The following DNAH3 variants were observed in gnomAD, a reference collection of about 807,000 sequenced individuals.
DNAH3 encodes the protein axonemal beta dynein heavy chain 3.
A neutral mutation model predicts 432.5 loss-of-function variants in DNAH3; 332 were observed. The ratio of observed to expected loss-of-function variants is 0.77; its 90% CI spans 0.70 to 0.84. The LOEUF is 0.84. DNAH3 is among the 40% of genes least tolerant of loss of function. The probability of loss-of-function intolerance (pLI) is 0.00; values close to 1 mark genes in which losing one functional copy is unlikely to be tolerated. For synonymous variants in DNAH3, 1,956 were observed against 1,900.2 expected, an observed-to-expected ratio of 1.03 and a Z score of -0.76; for missense variants, 4,861 against 5,114.0, an observed-to-expected ratio of 0.95 and a Z score of 1.51.
In DNAH3 at chr16:21,150,482, G is replaced by A. The variant is rs1273739361; in HGVS notation, c.118-4394C>T. ...ACTTTCCAGATGTTCTGAAAGCTCTGTTCATGAGGTTGCCTCTCTGAGGTC... is the reference window on the plus strand; with the variant it reads ...ACTTTCCAGATGTTCTGAAAGCTCTATTCATGAGGTTGCCTCTCTGAGGTC... On this transcript the variant is annotated intron_variant, in intron 1 of 61. An upstream open reading frame in the 5' UTR gains an earlier in-frame stop. Transcript: ENST00000261383. The A allele has an allele frequency of 3.0e-6, 1 of 338,356 alleles. No homozygotes were observed. The highest frequency in any genetic ancestry group is 5.8e-6 in the Non-Finnish European group (1 of 173,656). The allele number at this position is 338,356 out of a possible 1,614,324, so 21.0% of individuals were successfully genotyped here.
chr16:21,052,957 T>G (rs2090008337), intron 28 of DNAH3, among the ~76,000 whole-genome samples: 1 of 152,190 alleles, frequency 6.6e-6, no homozygotes, highest in Non-Finnish European at 1.5e-5. Context: ...GCTCTTCTTT[T>G]TTCTCTCATG....
intron 26 of DNAH3, among the ~76,000 whole-genome samples, chr16:21,059,876 C>G (rs2090283971): frequency 6.6e-6 from 1 of 152,120 alleles, no homozygotes; most frequent in Non-Finnish European, 1.5e-5. Flanking sequence ...TGTCTTAAGC[C>G]TTACGTCATA....
At chr16:21,036,869 G>T in intron 34 of DNAH3, 21 bp from the exon 35 acceptor site, 1 of 1,587,242 alleles carries the variant, frequency 6.3e-7, no homozygotes, top group South Asian at 1.1e-5. Context: ...GAATTTAAAA[G>T]AAAGTGGAAA....
chr16:21,136,194 G>A, intron 6 of DNAH3, 130 bp downstream of exon 7: 2 of 844,420 alleles, frequency 2.4e-6, no homozygotes, highest in Non-Finnish European at 3.7e-6. Flanking sequence ...AGGGAGGATT[G>A]CTTGAGCCCA....
intron 1 of DNAH3, chr16:21,158,539 C>T (rs943477758): frequency 6.6e-6 from 1 of 152,404 alleles, no homozygotes; most frequent in Non-Finnish European, 1.5e-5. Context: ...GGCGCCGGGC[C>T]TTGGCGCGCC....
intron 44 of DNAH3, among the ~76,000 whole-genome samples, chr16:20,988,584 C>T (rs568208270): frequency 2.0e-5 from 3 of 152,242 alleles, no homozygotes; most frequent in Admixed American, 6.5e-5. Flanking sequence ...TGATTGCAGG[C>T]ATGAGACACC....
chr16:20,953,220 G>A (rs894665496), intron 55 of DNAH3, among the ~76,000 whole-genome samples: 9 of 151,084 alleles, frequency 6.0e-5, no homozygotes, highest in South Asian at 2.1e-4. Context: ...ATGCAGTGTC[G>A]TGATCTCGGC....
At position 21,013,756 on chromosome 16, in the gene DNAH3, A is replaced by G. The variant is rs147679112; in HGVS notation, c.6022+5868T>C. 6.1e-4 allele frequency among the ~76,000 whole-genome samples: 93 copies of G among 151,814 alleles called. No homozygotes were observed. In the East Asian group the frequency reaches 0.016, roughly 26 times the overall value. ...AAAAAAAAAACTAAAAAAATGAAAG[A>G]CAGGCCATCAGTACTGATTCAATGG... On this transcript the variant is annotated intron_variant, in intron 41 of 61. Transcript: ENST00000261383.
At chr16:21,097,567 C>G in intron 17 of DNAH3, 68 bp from the exon 18 acceptor site, 1 of 1,587,090 alleles carries the variant, frequency 6.3e-7, no homozygotes. Context: ...GACACCAGGG[C>G]AAATTCCTCA....
intron 35 of DNAH3, among the ~76,000 whole-genome samples, chr16:21,035,219 C>T (rs1045427521): frequency 6.6e-6 from 1 of 152,200 alleles, no homozygotes; most frequent in East Asian, 1.9e-4. Context: ...CCCAGCTACT[C>T]GAGAGGCTGA....
chr16:21,083,314 C>A (rs999872162), intron 19 of DNAH3, among the ~76,000 whole-genome samples: 3 of 152,072 alleles, frequency 2.0e-5, no homozygotes, highest in Admixed American at 2.0e-4. Context: ...CTGCACCTGG[C>A]CAGACCAGGA....
At chr16:21,011,938 A>G (rs2087622105) in intron 41 of DNAH3, among the ~76,000 whole-genome samples, 1 of 152,142 alleles carries the variant, frequency 6.6e-6, no homozygotes, top group Non-Finnish European at 1.5e-5. Flanking sequence ...TTTAATCCTT[A>G]CTATTATTAT....
rs376178618 is a variant in DNAH3 at position 21,128,550 on chromosome 16, C to T, written c.1083-738G>A. ...TCTACTAAAAATACAAAAAAATTAG[C>T]CGGGTGTGGTGGCGGGCGCCTGTAA... is the stretch of plus-strand genomic sequence containing the variant. On this transcript the variant is annotated intron_variant, in intron 7 of 61. Coordinates refer to ENST00000261383, the Ensembl canonical transcript of DNAH3. Among the ~76,000 whole-genome samples the T allele has an allele frequency of 1.4e-4, 21 of 152,056 alleles. 1 individual carries two copies. The South Asian group carries it at 3.9e-3, about 29-fold the overall frequency.
chr16:21,022,570 C>T lies in DNAH3; in HGVS notation c.5647-470G>A, dbSNP rs150103376. Among the ~76,000 whole-genome samples, 570 of 152,188 alleles carry T rather than the reference C, an allele frequency of 3.7e-3. 7 individuals are homozygous for T. The highest frequency in any genetic ancestry group is 0.013 in the African/African-American group (550 of 41,518). Reference sequence around the variant, plus strand: ...TGGGGGGCTCATTTTCAGTAATTTACCACACGTATGGGTAGGTTTATATGT... The same window carrying T: ...TGGGGGGCTCATTTTCAGTAATTTATCACACGTATGGGTAGGTTTATATGT... On this transcript the variant is annotated intron_variant, in intron 39 of 61. Transcript: ENST00000261383.
chr16:20,975,285 T>C (rs1354082974), exon 51 of DNAH3: 1 of 1,614,050 alleles, frequency 6.2e-7, no homozygotes, highest in East Asian at 2.2e-5. Context: ...TTCATCTGCC[T>C]GCACCAGAAG....
chr16:20,989,097 G>A (rs1013347626), intron 44 of DNAH3, among the ~76,000 whole-genome samples: 3 of 152,332 alleles, frequency 2.0e-5, no homozygotes, highest in East Asian at 3.9e-4. Context: ...AGTGCGGAAA[G>A]AGACCCGAGC....
At chr16:21,116,385 C>A (rs946279293) in intron 12 of DNAH3, among the ~76,000 whole-genome samples, 1 of 151,908 alleles carries the variant, frequency 6.6e-6, no homozygotes, top group Non-Finnish European at 1.5e-5. Flanking sequence ...TGAGTTCTCA[C>A]GAGATCTGAT....
At chr16:20,970,518 G>C (rs1189752344) in intron 51 of DNAH3, among the ~76,000 whole-genome samples, 1 of 152,162 alleles carries the variant, frequency 6.6e-6, no homozygotes, top group Non-Finnish European at 1.5e-5. Context: ...GAGTGAAATT[G>C]AAACTCTGTC....
chr16:20,988,577 T>TA (rs1211112258), intron 44 of DNAH3, among the ~76,000 whole-genome samples: 1 of 152,162 alleles, frequency 6.6e-6, no homozygotes, highest in African/African-American at 2.4e-5. Context: ...AGTGCTGTGA[T>TA]TGCAGGCATG....
Sources: allele counts gnomAD v4.1 joint callset (sites outside exome capture counted in the v4.1 genomes callset), GRCh38; gene constraint gnomAD v4.1.1; transcripts MANE v1.5; gene names NCBI Gene and HGNC (gene_info 2026-07-23, HGNC 2026-07-21).